The following CLGN variants were observed in gnomAD, a reference collection of about 807,000 sequenced individuals.
CLGN encodes calmegin.
Under a neutral mutation model 79.1 loss-of-function variants are expected in CLGN, and 62 were observed. The ratio of observed to expected loss-of-function variants is 0.78; its 90% confidence interval spans 0.64 to 0.97. The LOEUF (loss-of-function observed/expected upper bound fraction) is 0.97, where lower values mean the gene tolerates loss of function less well. CLGN is among the 50% of genes least tolerant of loss of function. The pLI, the probability that CLGN is intolerant of heterozygous loss-of-function variation, is 0.00. For synonymous variants in CLGN, 225 were observed against 224.7 expected (o/e 1.00, Z -0.01); for missense variants, 647 against 715.5 (o/e 0.90, Z 1.09).
chr4:140,391,131 C>T (rs1728763745), intron 13 of CLGN, among the ~76,000 whole-genome samples: 1 of 151,518 alleles, frequency 6.6e-6, no homozygotes, highest in African/African-American at 2.4e-5. Context: ...CCTTAGGATT[C>T]CATTTAGCAG....
At chr4:140,395,631 T>A (rs1473895534) in intron 10 of CLGN, among the ~76,000 whole-genome samples, 188 bp downstream of exon 10, 2 of 152,226 alleles carry the variant, frequency 1.3e-5, no homozygotes, top group Non-Finnish European at 2.9e-5. Context: ...TGAAGTGATT[T>A]ATTTCCCCAG....
intron 11 of CLGN, 140 bp downstream of exon 11, chr4:140,393,686 T>G: frequency 1.4e-6 from 1 of 711,998 alleles, no homozygotes; most frequent in South Asian, 2.0e-5. Context: ...CTACATAAAC[T>G]TATTCAAACA....
intron 10 of CLGN, among the ~76,000 whole-genome samples, chr4:140,395,587 G>C (rs1402695382): frequency 6.6e-6 from 1 of 152,132 alleles, no homozygotes; most frequent in African/African-American, 2.4e-5. Context: ...ATTTCAAAGT[G>C]AGCATCAACT....
intron 5 of CLGN, among the ~76,000 whole-genome samples, chr4:140,405,673 A>T (rs1242433907): frequency 6.6e-6 from 1 of 152,234 alleles, no homozygotes; most frequent in East Asian, 1.9e-4. Flanking sequence ...GCTGCTTAAT[A>T]GCCCACATAC....
intron 1 of CLGN, among the ~76,000 whole-genome samples, chr4:140,423,859 A>G (rs1729514928): frequency 6.6e-6 from 1 of 152,190 alleles, no homozygotes; most frequent in African/African-American, 2.4e-5. Flanking sequence ...CTGTAGAATC[A>G]GATGTAATGT....
intron 5 of CLGN, among the ~76,000 whole-genome samples, chr4:140,402,507 A>G: frequency 6.6e-6 from 1 of 152,140 alleles, no homozygotes; most frequent in Non-Finnish European, 1.5e-5. Flanking sequence ...TTAGATACCT[A>G]GAGTTCATTA....
Position 140,389,137 on chromosome 4 carries a change from T to G in CLGN, c.*87A>C, listed in dbSNP as rs1404629226. Reference sequence around the variant, plus strand: ...GTTGCTAGATATTAGAAACAGGATGTGCAGACTGATTAAAGTTCAGGTCTG... The same window carrying G: ...GTTGCTAGATATTAGAAACAGGATGGGCAGACTGATTAAAGTTCAGGTCTG... On this transcript the variant is annotated 3_prime_UTR_variant, in exon 15 of 15. Transcript: ENST00000325617. 39 of 947,136 alleles carry G rather than the reference T, an allele frequency of 4.1e-5. No individual in the cohort carries two copies. The highest frequency in any genetic ancestry group is 3.4e-6 in the Non-Finnish European group (2 of 580,398). 58.7% of individuals were successfully genotyped at this position (947,136 alleles called of 1,614,324 possible). A position where few individuals can be genotyped will look rare whatever the true frequency, so the allele number is the denominator to read the frequency against.
At chr4:140,398,421 C>T (rs565995466) in intron 8 of CLGN, among the ~76,000 whole-genome samples, 9 of 151,912 alleles carry the variant, frequency 5.9e-5, no homozygotes, top group African/African-American at 1.7e-4. Flanking sequence ...AGGCACCCGC[C>T]GCCATGCCCG....
At chr4:140,400,648 A>C (rs1334633720) in intron 6 of CLGN, 99 bp from the exon 7 acceptor site, 1 of 693,426 alleles carries the variant, frequency 1.4e-6, no homozygotes, top group Non-Finnish European at 2.3e-6. Flanking sequence ...AAAATATATT[A>C]AATGGTAATT....
chr4:140,416,766 G>A (rs1221978110), intron 1 of CLGN, among the ~76,000 whole-genome samples: 2 of 152,162 alleles, frequency 1.3e-5, no homozygotes, highest in African/African-American at 4.8e-5. Context: ...AATTCTACGA[G>A]AGGTACAAGG....
At chr4:140,393,267 C>T (rs746801093) in intron 11 of CLGN, among the ~76,000 whole-genome samples, 8 of 152,018 alleles carry the variant, frequency 5.3e-5, no homozygotes, top group Non-Finnish European at 7.4e-5. Context: ...GATGGTTTTT[C>T]GCTAGTGACC....
At chr4:140,400,733 ATTTT>A (rs929907433) in intron 6 of CLGN, among the ~76,000 whole-genome samples, 184 bp from the exon 7 acceptor site, 1 of 152,130 alleles carries the variant, frequency 6.6e-6, no homozygotes, top group East Asian at 1.9e-4. Flanking sequence ...TTCAATATAG[ATTTT>A]TTTAAGTACA....
At chr4:140,410,760 G>A in intron 2 of CLGN, 134 bp from the exon 3 acceptor site, 1 of 588,300 alleles carries the variant, frequency 1.7e-6, no homozygotes, top group Non-Finnish European at 3.0e-6. Context: ...ACTCAAATAG[G>A]ATACAAAACT....
intron 5 of CLGN, among the ~76,000 whole-genome samples, 157 bp downstream of exon 5, chr4:140,405,785 A>T (rs1026478921): frequency 6.6e-6 from 1 of 152,174 alleles, no homozygotes; most frequent in African/African-American, 2.4e-5. Context: ...GAAAGCATGG[A>T]TATGTTTGTG....
rs757191932 is a variant in CLGN at position 140,392,245 on chromosome 4, T to C, written c.1625A>G (p.Gln542Arg). 1 of 1,613,150 alleles carries C rather than the reference T, an allele frequency of 6.2e-7. No homozygotes were observed. The highest frequency in any genetic ancestry group is 2.2e-5 in the East Asian group (1 of 44,848). Reference protein sequence around the residue: ...KPMDLEEEKKQNDGEMLEKEE... With the variant: ...KPMDLEEEKKRNDGEMLEKEE... ...TTTTTCAAGCATTTCACCATCATTT[T>C]GCTTTTTTTCCTCTTCCAGGTCCAT... Residue 542 changes from glutamine (Q) to arginine (R), a missense_variant, in exon 13 of 15, where the codon CAA (glutamine) becomes CGA (arginine). Gln to Arg is a conservative substitution (Grantham distance 43, BLOSUM62 1). Transcript: ENST00000325617.
intron 1 of CLGN, among the ~76,000 whole-genome samples, chr4:140,424,461 T>C (rs1419185224): frequency 6.6e-6 from 1 of 152,204 alleles, no homozygotes; most frequent in African/African-American, 2.4e-5. Flanking sequence ...TATGTGCAGT[T>C]AAGAAAAATG....
Position 140,393,965 on chromosome 4 carries a change from C to T in CLGN, c.1226G>A (p.Ser409Asn), listed in dbSNP as rs1366324196. 4.3e-6 allele frequency: 7 copies of T among 1,613,500 alleles called. No individual in the cohort carries two copies. Among genetic ancestry groups the T allele is most frequent in the Non-Finnish European group, 5.9e-6 (7 of 1,179,746 alleles). Residue 409 changes from serine (S) to asparagine (N), a missense_variant, in exon 11 of 15, where the codon AGT (serine) becomes AAT (asparagine). By Grantham distance (46) the Ser-to-Asn change is conservative (BLOSUM62 1). Coordinates refer to ENST00000325617, the MANE Select transcript of CLGN (RefSeq NM_004362.3). Reference protein sequence around the residue: ...DDHPFLLTSFSALGLELWSMT... With the variant: ...DDHPFLLTSFNALGLELWSMT... ...AGACCAAAGCTCTAAACCAAGAGCA[C>T]TGAAAGAAGTCAGAAGAAATGGATG...
intron 6 of CLGN, 89 bp downstream of exon 6, chr4:140,401,896 T>A (rs981023751): frequency 1.4e-6 from 1 of 720,692 alleles, no homozygotes; most frequent in Non-Finnish European, 2.3e-6. Context: ...TCAATTTCAG[T>A]TGAAGACAAA....
In CLGN at chr4:140,427,583, C is replaced by T. The variant is rs1441843136; in HGVS notation, c.-56G>A. 1 of 152,300 alleles carries T rather than the reference C, an allele frequency of 6.6e-6. No individual in the cohort carries two copies. The highest frequency in any genetic ancestry group is 2.4e-5 in the African/African-American group (1 of 41,472). 9.4% of individuals were successfully genotyped at this position (152,300 alleles called of 1,614,324 possible). On this transcript the variant is annotated 5_prime_UTR_variant, in exon 1 of 15. Transcript: ENST00000325617. ...GCAGTGACAGCTCAGATGTCCAAGT[C>T]GTTGCCACTTGGTCCCCGCGTCTCT...
Sources: gnomAD v4.1 joint callset for allele counts (sites outside exome capture counted in the v4.1 genomes callset) on GRCh38, gnomAD v4.1.1 for gene constraint, MANE v1.5 for transcripts, NCBI Gene and HGNC (gene_info 2026-07-23, HGNC 2026-07-21) for gene names.